Variants in USP45 observed in about 807,000 individuals in gnomAD.
The protein encoded by USP45 is ubiquitin specific peptidase 45.
Under a neutral mutation model 95.8 loss-of-function variants are expected in USP45, and 89 were observed. That is an observed-to-expected ratio of 0.93 (90% CI 0.78 to 1.11). The LOEUF (loss-of-function observed/expected upper bound fraction) is 1.11, where lower values mean the gene tolerates loss of function less well. Among genes scored for constraint, USP45 ranks in the 50% least tolerant of loss-of-function variants. The pLI is 0.00. For synonymous variants in USP45, 281 were observed against 316.2 expected (o/e 0.89, Z 1.18); for missense variants, 898 against 942.5 (o/e 0.95, Z 0.62).
intron 9 of USP45, among the ~76,000 whole-genome samples, chr6:99,469,425 G>A (rs1445469838): frequency 7.0e-6 from 1 of 143,390 alleles, no homozygotes; most frequent in South Asian, 2.1e-4. Flanking sequence ...TGAGGGAAAA[G>A]TTTAATTATC....
Position 99,446,308 on chromosome 6 carries a change from A to T in USP45, c.1464T>A (p.Asp488Glu), listed in dbSNP as rs1481021427. 6.2e-7 allele frequency: 1 copy of T among 1,614,092 alleles called. No homozygotes were observed. The highest frequency in any genetic ancestry group is 1.1e-5 in the South Asian group (1 of 91,090). Residue 488 changes from aspartate (D) to glutamate (E), a missense_variant, in exon 14 of 18, where the codon GAT becomes GAA. By Grantham distance (45) the Asp-to-Glu change is conservative. Transcript: ENST00000500704. ...SESRLNESPT[D>E]DSEKEASHSE... The stretch of plus-strand genomic sequence containing the variant: ...AATGGCTGGCTTCTTTTTCACTGTC[A>T]TCAGTAGGGCTTTCATTCAGACGTG...
At chr6:99,507,291 T>C (rs968924408) in intron 4 of USP45, 137 bp downstream of exon 4, 4 of 482,624 alleles carry the variant, frequency 8.3e-6, no homozygotes, top group African/African-American at 6.0e-5. Context: ...TCTTGAAGTA[T>C]CCCATAGATT....
Position 99,437,243 on chromosome 6 carries a change from T to C in USP45, c.2314+3A>G, listed in dbSNP as rs772366461. ...AGAATAAAATAAACTTAGGATGGCATACCAGGCACATTTTTCTTTTTAGTG... is the reference window on the plus strand; with the variant it reads ...AGAATAAAATAAACTTAGGATGGCACACCAGGCACATTTTTCTTTTTAGTG... On this transcript the variant is annotated splice_donor_region_variant and intron_variant, in intron 17 of 17. Coordinates refer to ENST00000500704, the MANE Select transcript of USP45 (RefSeq NM_001346022.3). 1.3e-6 allele frequency: 2 copies of C among 1,599,178 alleles called. No homozygotes were observed. Among genetic ancestry groups the C allele is most frequent in the Non-Finnish European group, 1.7e-6 (2 of 1,176,328 alleles).
chr6:99,495,024 G>A (rs1169534849), intron 5 of USP45, among the ~76,000 whole-genome samples: 2 of 152,072 alleles, frequency 1.3e-5, no homozygotes, highest in African/African-American at 4.8e-5. Context: ...TGACCCCAAA[G>A]GCTAAAAACA....
At chr6:99,467,015 C>T (rs1788143370) in intron 10 of USP45, among the ~76,000 whole-genome samples, 1 of 152,136 alleles carries the variant, frequency 6.6e-6, no homozygotes, top group African/African-American at 2.4e-5. Context: ...AAAACAACCA[C>T]TATTCGTACC....
At chr6:99,445,310 C>T (rs541786613) in intron 14 of USP45, among the ~76,000 whole-genome samples, 154 of 152,026 alleles carry the variant, frequency 1.0e-3, no homozygotes, top group Non-Finnish European at 2.0e-3. Context: ...TGGTGAAACC[C>T]CATCTCTACT....
chr6:99,489,814 G>A (rs1028085933), intron 5 of USP45, among the ~76,000 whole-genome samples: 1 of 152,068 alleles, frequency 6.6e-6, no homozygotes, highest in Non-Finnish European at 1.5e-5. Flanking sequence ...GGGCGTGGTG[G>A]TGCGTGCAAG....
intron 13 of USP45, 131 bp downstream of exon 13, chr6:99,464,473 T>C: frequency 2.2e-6 from 2 of 912,846 alleles, no homozygotes; most frequent in South Asian, 2.0e-5. Context: ...GTAGCCAAGT[T>C]GATAATTATG....
At chr6:99,472,480 T>A (rs904596753) in intron 9 of USP45, among the ~76,000 whole-genome samples, 2 of 152,152 alleles carry the variant, frequency 1.3e-5, no homozygotes, top group Admixed American at 6.5e-5. Flanking sequence ...CCTCCCAAAC[T>A]GCTGGGATTA....
In USP45 at chr6:99,481,872, C is replaced by T. The variant is rs559936661; in HGVS notation, c.845+881G>A. Among the ~76,000 whole-genome samples the T allele has an allele frequency of 2.0e-5, 3 of 152,246 alleles. No individual in the cohort carries two copies. The South Asian group carries it at 6.2e-4, about 32-fold the overall frequency. On this transcript the variant is annotated intron_variant, in intron 8 of 17. Transcript: ENST00000500704. ...TTCTTTATTATGGCTGTGCTAAAAACTTTTTAACTCTGTGAGACACTCATG... is the reference window on the plus strand; with the variant it reads ...TTCTTTATTATGGCTGTGCTAAAAATTTTTTAACTCTGTGAGACACTCATG...
chr6:99,461,189 T>C, intron 13 of USP45: 1 of 985,396 alleles, frequency 1.0e-6, no homozygotes, highest in Non-Finnish European at 1.2e-6. Context: ...CTTTCTGAAC[T>C]AATGAGCTGA....
chr6:99,443,817 C>T (rs1456786881), intron 14 of USP45, among the ~76,000 whole-genome samples, 155 bp from the exon 15 acceptor site: 1 of 152,074 alleles, frequency 6.6e-6, no homozygotes, highest in East Asian at 1.9e-4. Flanking sequence ...CTTCCTAAAA[C>T]TCTGCTAAAA....
chr6:99,464,813 T>C (rs970188106), intron 12 of USP45, 66 bp from the exon 13 acceptor site: 42 of 1,481,654 alleles, frequency 2.8e-5, no homozygotes, highest in Non-Finnish European at 3.6e-5. Context: ...GTCCTCATCT[T>C]AAAATTTTTG....
rs565719677 is a variant in USP45, at chr6:99,451,815, C to T, written c.1309-5352G>A. ...CTATAGTAACCAAAACAGCATAGTA[C>T]TGGTACCAAAACAGAGATATAGACC... On this transcript the variant is annotated intron_variant, in intron 13 of 17. Coordinates refer to ENST00000500704, the MANE Select transcript of USP45 (RefSeq NM_001346022.3). Among the ~76,000 whole-genome samples, 17 of 152,310 alleles carry T rather than the reference C, an allele frequency of 1.1e-4. No homozygotes were observed. The South Asian group carries it at 3.5e-3, about 32-fold the overall frequency.
chr6:99,503,136 T>C (rs1401431031), intron 5 of USP45, among the ~76,000 whole-genome samples: 1 of 152,170 alleles, frequency 6.6e-6, no homozygotes, highest in Non-Finnish European at 1.5e-5. Flanking sequence ...GACAGAATTA[T>C]CATCCTAATT....
chr6:99,455,741 C>A (rs1784891762), intron 13 of USP45, among the ~76,000 whole-genome samples: 1 of 137,770 alleles, frequency 7.3e-6, no homozygotes, highest in African/African-American at 2.7e-5. Context: ...ATGGGTTGAA[C>A]TGGAGGTCAT....
chr6:99,466,601 T>C, intron 11 of USP45, 71 bp downstream of exon 11: 1 of 1,304,188 alleles, frequency 7.7e-7, no homozygotes, highest in South Asian at 1.3e-5. Context: ...TGATTATATG[T>C]GAAAGAAAAT....
At chr6:99,466,529 T>C (rs1315056157) in intron 11 of USP45, 143 bp downstream of exon 11, 1 of 659,922 alleles carries the variant, frequency 1.5e-6, no homozygotes. Flanking sequence ...GAGTGTAGCG[T>C]ATAAAAAGAC....
At chr6:99,490,718 T>A (rs1435426429) in intron 5 of USP45, among the ~76,000 whole-genome samples, 1 of 152,166 alleles carries the variant, frequency 6.6e-6, no homozygotes, top group African/African-American at 2.4e-5. Flanking sequence ...GTTAGCTTCT[T>A]ACGTCTCTGA....
Sources: gnomAD v4.1 joint callset for allele counts (sites outside exome capture counted in the v4.1 genomes callset) on GRCh38, gnomAD v4.1.1 for gene constraint, MANE v1.5 for transcripts, NCBI Gene and HGNC (gene_info 2026-07-23, HGNC 2026-07-21) for gene names.